ADAMTS17: variants seen among roughly 807,000 people sequenced by gnomAD.
ADAMTS17 encodes the protein A disintegrin and metalloproteinase with thrombospondin motifs 17.
A neutral mutation model predicts 141.5 loss-of-function variants in ADAMTS17; 113 were observed. The observed-to-expected ratio is 0.80, with a 90% CI of 0.69 to 0.93. The LOEUF (loss-of-function observed/expected upper bound fraction) is 0.93, where lower values mean the gene tolerates loss of function less well. ADAMTS17 is among the 40% of genes least tolerant of loss of function. The pLI is 0.00. For missense variants in ADAMTS17, 1,659 were observed against 1,517.9 expected (o/e 1.09, Z -1.54); for synonymous variants, 768 against 630.6 (o/e 1.22, Z -3.27).
At chr15:100,294,753 C>G (rs572081148) in intron 3 of ADAMTS17, among the ~76,000 whole-genome samples, 1 of 152,320 alleles carries the variant, frequency 6.6e-6, no homozygotes, top group African/African-American at 2.4e-5. Flanking sequence ...ACTCTAACAT[C>G]TCAACATTCC....
At chr15:100,179,409 T>G (rs962263436) in intron 8 of ADAMTS17, among the ~76,000 whole-genome samples, 7 of 152,180 alleles carry the variant, frequency 4.6e-5, no homozygotes, top group Non-Finnish European at 1.0e-4. Flanking sequence ...TCTACTCCAT[T>G]GTGGTAAGTA....
intron 2 of ADAMTS17, among the ~76,000 whole-genome samples, chr15:100,333,233 C>T (rs983480550): frequency 1.3e-5 from 2 of 152,178 alleles, no homozygotes; most frequent in Non-Finnish European, 2.9e-5. Flanking sequence ...TCCACTGAGG[C>T]AAGATCAGAA....
chr15:100,122,473 CTACAG>C (rs2141181883), intron 12 of ADAMTS17, among the ~76,000 whole-genome samples: 1 of 152,286 alleles, frequency 6.6e-6, no homozygotes, highest in African/African-American at 2.4e-5. Flanking sequence ...CACAGGGCCT[CTACAG>C]TAACATCAAT....
chr15:100,045,324 G>A (rs1029856673), intron 18 of ADAMTS17, among the ~76,000 whole-genome samples: 4 of 152,088 alleles, frequency 2.6e-5, no homozygotes, highest in African/African-American at 7.2e-5. Flanking sequence ...GAAACCTCAT[G>A]TATATTTTAT....
chr15:100,319,788 G>C (rs1464792908), intron 3 of ADAMTS17, among the ~76,000 whole-genome samples: 1 of 151,832 alleles, frequency 6.6e-6, no homozygotes, highest in Non-Finnish European at 1.5e-5. Context: ...ATCTAGGTGG[G>C]GCGCGGTGGC....
At chr15:100,148,529 T>G (rs1002342690) in intron 10 of ADAMTS17, among the ~76,000 whole-genome samples, 3 of 152,158 alleles carry the variant, frequency 2.0e-5, no homozygotes, top group African/African-American at 7.2e-5. Context: ...GCCTTTTTTT[T>G]TTTAGTACTT....
chr15:100,058,288 T>TCCTATCCCGGCTCTAACACC lies in ADAMTS17; in HGVS notation c.2138-4254_2138-4235dup, dbSNP rs1290424010. Among the ~76,000 whole-genome samples, 286 of 67,668 alleles carry TCCTATCCCGGCTCTAACACC rather than the reference T, an allele frequency of 4.2e-3. 23 individuals are homozygous for TCCTATCCCGGCTCTAACACC. The highest frequency in any genetic ancestry group is 0.02 in the African/African-American group (269 of 13,772). 44.4% of individuals were successfully genotyped at this position (67,668 alleles called of 152,430 possible). On this transcript the variant is annotated intron_variant, in intron 15 of 21. Coordinates refer to ENST00000268070, the MANE Select transcript of ADAMTS17 (RefSeq NM_139057.4). ...GACACCCCTATCCCGGCTCTAACCC[T>TCCTATCCCGGCTCTAACACC]CCTATCCCGGCTCTAACACCCCTAT...
chr15:100,062,111 AG>A (rs60131216), intron 15 of ADAMTS17, among the ~76,000 whole-genome samples: 11,780 of 152,282 alleles, frequency 0.077, 548 homozygotes, highest in African/African-American at 0.12. Flanking sequence ...TTCTATTTGC[AG>A]AGTGACAGCT....
At chr15:100,199,256 T>C (rs2141634132) in intron 8 of ADAMTS17, 62 bp downstream of exon 8, 1 of 1,446,832 alleles carries the variant, frequency 6.9e-7, no homozygotes, top group East Asian at 2.3e-5. Flanking sequence ...AGAATTCAAG[T>C]GAAAAATCTG....
intron 15 of ADAMTS17, among the ~76,000 whole-genome samples, chr15:100,056,866 A>G (rs1161099845): frequency 6.6e-6 from 1 of 152,072 alleles, no homozygotes; most frequent in East Asian, 1.9e-4. Context: ...TTTGGAAGGG[A>G]GAGAGAGAAA....
chr15:100,051,805 C>G, intron 16 of ADAMTS17, 74 bp from the exon 17 acceptor site: 1 of 1,582,516 alleles, frequency 6.3e-7, no homozygotes, highest in Non-Finnish European at 8.7e-7. Context: ...TCTGCACACA[C>G]AGGCACACTG....
rs755902672 is a variant in ADAMTS17, at chr15:100,155,296, G to T, written c.1206C>A (p.Asp402Glu). ...GGGACCTGCCAGCGCAAGATGAGTG[G>T]TCATCGTCGTGGTTCATGCCCAAGC... is the stretch of plus-strand genomic sequence containing the variant. ...GHNLGMNHDD[D>E]HSSCAGRSHI... Residue 402 changes from aspartate to glutamate, a missense_variant, in exon 9 of 22, where the codon GAC becomes GAA. Physicochemically the swap from Asp to Glu is conservative, Grantham distance 45. Coordinates refer to ENST00000268070, the MANE Select transcript of ADAMTS17 (RefSeq NM_139057.4). The T allele has an allele frequency of 5.0e-6, 8 of 1,614,058 alleles. No individual in the cohort carries two copies. Among genetic ancestry groups the T allele is most frequent in the African/African-American group, 1.3e-5 (1 of 75,050 alleles).
intron 3 of ADAMTS17, among the ~76,000 whole-genome samples, chr15:100,325,638 T>C (rs1420132963): frequency 6.6e-6 from 1 of 152,114 alleles, no homozygotes; most frequent in African/African-American, 2.4e-5. Context: ...AGTTGGCTGT[T>C]TAAAACGACC....
At chr15:100,209,284 T>C (rs2041708621) in intron 7 of ADAMTS17, among the ~76,000 whole-genome samples, 1 of 152,184 alleles carries the variant, frequency 6.6e-6, no homozygotes, top group Admixed American at 6.5e-5. Flanking sequence ...CACGTTGTTC[T>C]AGACACCTCT....
chr15:100,068,868 C>G (rs2033755431), intron 15 of ADAMTS17, among the ~76,000 whole-genome samples: 1 of 152,216 alleles, frequency 6.6e-6, no homozygotes, highest in African/African-American at 2.4e-5. Context: ...AGGAACGCAG[C>G]TCCTCACCAG....
intron 2 of ADAMTS17, among the ~76,000 whole-genome samples, chr15:100,333,627 G>A (rs978144859): frequency 6.6e-6 from 1 of 152,180 alleles, no homozygotes; most frequent in Non-Finnish European, 1.5e-5. Flanking sequence ...TTCCTCTGTG[G>A]AGCTCTGCCC....
chr15:100,028,476 T>C (rs1399109989), intron 18 of ADAMTS17, among the ~76,000 whole-genome samples: 3 of 152,240 alleles, frequency 2.0e-5, no homozygotes, highest in South Asian at 2.1e-4. Flanking sequence ...GCATCTTGGA[T>C]TGGATTTTGT....
intron 6 of ADAMTS17, 88 bp downstream of exon 6, chr15:100,261,391 T>G: frequency 4.4e-6 from 7 of 1,586,970 alleles, no homozygotes; most frequent in Non-Finnish European, 6.0e-6. Context: ...TTTCCAAGCC[T>G]GAGTTCTTAA....
intron 3 of ADAMTS17, among the ~76,000 whole-genome samples, chr15:100,308,360 G>A (rs543431582): frequency 1.4e-4 from 21 of 152,344 alleles, no homozygotes; most frequent in Non-Finnish European, 2.4e-4. Flanking sequence ...AAAGACGACA[G>A]TTGTAAATCT....
Sources: allele counts gnomAD v4.1 joint callset (sites outside exome capture counted in the v4.1 genomes callset), GRCh38; gene constraint gnomAD v4.1.1; transcripts MANE v1.5; gene names NCBI Gene and HGNC (gene_info 2026-07-23, HGNC 2026-07-21).